Variants in LCP1 observed in about 807,000 individuals in gnomAD.
The protein encoded by LCP1 is plastin-2.
In LCP1, 23 loss-of-function variants were observed where a neutral mutation model predicts 72.0. The ratio of observed to expected loss-of-function variants is 0.32; its 90% confidence interval spans 0.23 to 0.45. LCP1 has a LOEUF of 0.45. Among genes scored for constraint, LCP1 ranks in the 20% least tolerant of loss-of-function variants. LCP1 has a pLI of 1.00. For missense variants in LCP1, 571 were observed against 748.3 expected, an observed-to-expected ratio of 0.76 and a Z score of 2.76; for synonymous variants, 245 against 275.4, an observed-to-expected ratio of 0.89 and a Z score of 1.09.
chr13:46,143,111 T>C (rs2182485), intron 12 of LCP1, among the ~76,000 whole-genome samples, 179 bp downstream of exon 12: 88,079 of 152,104 alleles, frequency 0.58, 26,581 homozygotes, highest in African/African-American at 0.77. Flanking sequence ...AATAAGCAAT[T>C]GACTGAAATA....
At chr13:46,152,212 T>C (rs2045773007) in intron 7 of LCP1, among the ~76,000 whole-genome samples, 2 of 152,182 alleles carry the variant, frequency 1.3e-5, no homozygotes, top group Non-Finnish European at 2.9e-5. Context: ...TTTCTTTCTT[T>C]TTTGTAGGAA....
intron 8 of LCP1, chr13:46,148,664 AT>A (rs2045745306): frequency 2.0e-6 from 1 of 505,122 alleles, no homozygotes; most frequent in African/African-American, 1.9e-5. Context: ...TAACAATAAA[AT>A]AGACAAGATA....
intron 15 of LCP1, among the ~76,000 whole-genome samples, chr13:46,128,401 A>AT (rs767959801): frequency 1.3e-5 from 2 of 152,204 alleles, no homozygotes; most frequent in African/African-American, 2.4e-5. Flanking sequence ...GATCGAGACC[A>AT]TCCTGGCCAA....
chr13:46,162,221 T>C (rs2045842765), intron 1 of LCP1, among the ~76,000 whole-genome samples: 1 of 149,862 alleles, frequency 6.7e-6, no homozygotes, highest in African/African-American at 2.5e-5. Context: ...TCCATCCATT[T>C]ATTCACTAAA....
intron 1 of LCP1, among the ~76,000 whole-genome samples, chr13:46,178,869 A>G (rs2138291481): frequency 6.6e-6 from 1 of 152,346 alleles, no homozygotes; most frequent in South Asian, 2.1e-4. Context: ...GTATAACCTT[A>G]TAAGCAGATT....
chr13:46,151,156 C>T lies in LCP1; in HGVS notation c.740-78G>A. 1.4e-6 allele frequency: 2 copies of T among 1,452,170 alleles called. 1 individual carries two copies. The highest frequency in any genetic ancestry group is 1.9e-6 in the Non-Finnish European group (2 of 1,077,370). 90.0% of individuals were successfully genotyped at this position (1,452,170 alleles called of 1,614,324 possible). ...GGGGTTGGTTATAACTTTCATTAAGCTCTGCTAAAAAGCTAAAGATAACAA... is the reference window on the plus strand; with the variant it reads ...GGGGTTGGTTATAACTTTCATTAAGTTCTGCTAAAAAGCTAAAGATAACAA... On this transcript the variant is annotated intron_variant, in intron 7 of 15. Transcript: ENST00000323076.
rs748412184 is a variant in LCP1, at chr13:46,146,946, T to C, written c.1136A>G (p.Lys379Arg). The C allele has an allele frequency of 6.2e-7, 1 of 1,614,180 alleles. No homozygotes were observed. Among genetic ancestry groups the C allele is most frequent in the Non-Finnish European group, 8.5e-7 (1 of 1,180,018 alleles). Residue 379 changes from lysine to arginine, a missense_variant, in exon 10 of 16, where the codon AAA becomes AGA. Transcript: ENST00000323076. ...NLFNRYPALH[K>R]PENQDIDWGA... The stretch of plus-strand genomic sequence containing the variant: ...CCAGTCAATGTCCTGGTTCTCTGGT[T>C]TGTGCAGGGCAGGGTATCTGTTAAA...
chr13:46,145,476 G>C (rs928394317), intron 10 of LCP1, among the ~76,000 whole-genome samples: 2 of 152,100 alleles, frequency 1.3e-5, no homozygotes, highest in Admixed American at 6.5e-5. Flanking sequence ...TTGAGAAAAT[G>C]TTCCAAAGGA....
intron 1 of LCP1, among the ~76,000 whole-genome samples, chr13:46,171,934 C>T (rs372569043): frequency 2.6e-5 from 4 of 152,346 alleles, no homozygotes; most frequent in South Asian, 2.1e-4. Flanking sequence ...AAACTCAGGG[C>T]GACCAAGGGC....
Position 46,158,894 on chromosome 13 carries a change from T to C in LCP1, c.160A>G (p.Thr54Ala). Residue 54 changes from threonine (T) to alanine (A), a missense_variant, in exon 3 of 16, where the codon ACA (threonine) becomes GCA (alanine). Physicochemically the swap from Thr to Ala is moderately conservative, Grantham distance 58 (BLOSUM62 0). Coordinates refer to ENST00000323076, the MANE Select transcript of LCP1 (RefSeq NM_002298.5). ...PLPGYRVREI[T>A]ENLMATGDLD... Reference sequence around the variant, plus strand: ...TCACCTGTAGCCATCAGGTTTTCTGTAATTTCTCGTACTCTATACCCAGGC... The same window carrying C: ...TCACCTGTAGCCATCAGGTTTTCTGCAATTTCTCGTACTCTATACCCAGGC... The C allele has an allele frequency of 6.2e-7, 1 of 1,614,192 alleles. No individual in the cohort carries two copies. Among genetic ancestry groups the C allele is most frequent in the South Asian group, 1.1e-5 (1 of 91,082 alleles).
Position 46,127,595 on chromosome 13 carries a change from AC to A in LCP1, c.1879del (p.Val627CysfsTer25). 1 of 1,613,784 alleles carries A rather than the reference AC, an allele frequency of 6.2e-7. No individual in the cohort carries two copies. The highest frequency in any genetic ancestry group is 8.5e-7 in the Non-Finnish European group (1 of 1,179,928). On this transcript the variant is annotated frameshift_variant, in exon 16 of 16. Transcript: ENST00000323076. LOFTEE classifies it high-confidence loss of function. ...ACLMGKGMKR[V>X] ...CCCACCCAGCCCCATTGGGCCTCACACCCTCTTCATTCCTTTCCCCATGAGG... is the reference window on the plus strand; with the variant it reads ...CCCACCCAGCCCCATTGGGCCTCACACCTCTTCATTCCTTTCCCCATGAGG...
At chr13:46,165,360 C>T (rs1371115255) in intron 1 of LCP1, among the ~76,000 whole-genome samples, 8 of 151,182 alleles carry the variant, frequency 5.3e-5, no homozygotes, top group African/African-American at 1.5e-4. Flanking sequence ...GGTGACAGAG[C>T]GAGACCCCAT....
chr13:46,151,400 G>A (rs1253940069), intron 7 of LCP1, among the ~76,000 whole-genome samples: 1 of 152,208 alleles, frequency 6.6e-6, no homozygotes, highest in Non-Finnish European at 1.5e-5. Context: ...GTTTTGCTGG[G>A]TCTGTCAAAC....
chr13:46,162,743 G>T (rs913664474), intron 1 of LCP1, among the ~76,000 whole-genome samples: 1 of 151,656 alleles, frequency 6.6e-6, no homozygotes, highest in Non-Finnish European at 1.5e-5. Flanking sequence ...AGTGAGGAGC[G>T]TCTCTGCCTG....
At chr13:46,149,145 T>C (rs577835436) in intron 8 of LCP1, among the ~76,000 whole-genome samples, 62 of 152,218 alleles carry the variant, frequency 4.1e-4, no homozygotes, top group Non-Finnish European at 7.5e-4. Flanking sequence ...AATGAAAGCA[T>C]ACAGATTTTC....
chr13:46,142,493 T>C, intron 12 of LCP1, 68 bp from the exon 13 acceptor site: 1 of 1,496,550 alleles, frequency 6.7e-7, no homozygotes, highest in Non-Finnish European at 9.1e-7. Context: ...AGATAAATAA[T>C]AAAAATAAAG....
intron 5 of LCP1, among the ~76,000 whole-genome samples, chr13:46,155,628 G>A (rs1473758226): frequency 2.0e-5 from 3 of 152,104 alleles, no homozygotes; most frequent in South Asian, 2.1e-4. Context: ...CTCACATATT[G>A]AGCACCTCAA....
intron 13 of LCP1, among the ~76,000 whole-genome samples, chr13:46,141,851 T>C (rs1423928011): frequency 6.6e-6 from 1 of 152,146 alleles, no homozygotes; most frequent in Non-Finnish European, 1.5e-5. Context: ...AAAAGTCCCT[T>C]TAAAAGTAAT....
intron 8 of LCP1, among the ~76,000 whole-genome samples, chr13:46,149,703 C>G (rs373749827): frequency 6.6e-6 from 1 of 152,220 alleles, no homozygotes; most frequent in African/African-American, 2.4e-5. Context: ...TGGCCAGCTC[C>G]TATCTCATAC....
Sources: gnomAD v4.1 joint callset for allele counts (sites outside exome capture counted in the v4.1 genomes callset) on GRCh38, gnomAD v4.1.1 for gene constraint, MANE v1.5 for transcripts, NCBI Gene and HGNC (gene_info 2026-07-23, HGNC 2026-07-21) for gene names.